CHST15: variants seen among roughly 807,000 people sequenced by gnomAD.
The protein encoded by CHST15 is carbohydrate sulfotransferase 15.
CHST15 carries 30 observed loss-of-function variants against 53.6 expected under a neutral mutation model. The observed-to-expected ratio is 0.56, with a 90% CI of 0.42 to 0.76. The LOEUF (loss-of-function observed/expected upper bound fraction) is 0.76, where lower values mean the gene tolerates loss of function less well. Among genes scored for constraint, CHST15 ranks in the 30% least tolerant of loss-of-function variants. The pLI is 0.00. For synonymous variants in CHST15, 296 were observed against 289.8 expected, an observed-to-expected ratio of 1.02 and a Z score of -0.22; for missense variants, 627 against 740.5, an observed-to-expected ratio of 0.85 and a Z score of 1.78.
At chr10:124,044,483 T>G in intron 3 of CHST15, 97 bp downstream of exon 3, 2 of 1,019,722 alleles carry the variant, frequency 2.0e-6, no homozygotes, top group Non-Finnish European at 2.7e-6. Context: ...CATCTCTTTC[T>G]GCCGCCCTCG....
At chr10:124,064,975 G>A (rs1410640864) in intron 1 of CHST15, among the ~76,000 whole-genome samples, 1 of 152,090 alleles carries the variant, frequency 6.6e-6, no homozygotes, top group Non-Finnish European at 1.5e-5. Flanking sequence ...TCTTTTGTTC[G>A]CTTTTACAAA....
In CHST15 at chr10:124,019,607, A is replaced by T; in HGVS notation, c.1347+1649T>A. ...TCTCCGGGTCTCCGTTTCCTTATGAAGGCTCCCTCCCGGGTTACATGAAAT... is the reference window on the plus strand; with the variant it reads ...TCTCCGGGTCTCCGTTTCCTTATGATGGCTCCCTCCCGGGTTACATGAAAT... On this transcript the variant is annotated intron_variant, in intron 6 of 7. Coordinates refer to ENST00000435907, the MANE Select transcript of CHST15 (RefSeq NM_001270764.2). The surrounding 1 kb of genome is among the most constrained non-coding windows in gnomAD (Gnocchi z 4.6). 3.7e-6 allele frequency: 1 copy of T among 267,318 alleles called. No homozygotes were observed. The allele number at this position is 267,318 out of a possible 1,614,324, so 16.6% of individuals were successfully genotyped here. A position where few individuals can be genotyped will look rare whatever the true frequency, so the allele number is the denominator to read the frequency against.
intron 1 of CHST15, among the ~76,000 whole-genome samples, chr10:124,066,737 G>A (rs758318665): frequency 5.3e-5 from 8 of 152,184 alleles, no homozygotes; most frequent in Non-Finnish European, 8.8e-5. Flanking sequence ...TTCATCTTAG[G>A]ATGGGGGCAC....
chr10:124,013,550 ATAGTG>A (rs1946485837), intron 6 of CHST15, among the ~76,000 whole-genome samples: 1 of 152,210 alleles, frequency 6.6e-6, no homozygotes, highest in Non-Finnish European at 1.5e-5. Context: ...ATCATAACCA[ATAGTG>A]TAATAGCCTC....
intron 6 of CHST15, among the ~76,000 whole-genome samples, chr10:124,015,210 C>A (rs1946549929): frequency 1.3e-5 from 2 of 152,164 alleles, no homozygotes; most frequent in African/African-American, 4.8e-5. Flanking sequence ...CAGCCCCCAG[C>A]AGATTTTTTT....
intron 1 of CHST15, among the ~76,000 whole-genome samples, chr10:124,057,375 G>A (rs1948418971): frequency 6.6e-6 from 1 of 152,152 alleles, no homozygotes; most frequent in Admixed American, 6.5e-5. Context: ...AGAGACACAG[G>A]GTTTTCTCCA....
At chr10:124,039,307 G>A (rs1312162225) in intron 4 of CHST15, among the ~76,000 whole-genome samples, 3 of 152,172 alleles carry the variant, frequency 2.0e-5, no homozygotes, top group African/African-American at 7.2e-5. Flanking sequence ...TTCAGAGCCG[G>A]GAGGAGCCGA....
intron 1 of CHST15, among the ~76,000 whole-genome samples, chr10:124,049,333 A>G (rs1419099496): frequency 6.6e-6 from 1 of 152,208 alleles, no homozygotes; most frequent in Non-Finnish European, 1.5e-5. Flanking sequence ...ACCTTTCGTC[A>G]TTCATGACAA....
At chr10:124,032,042 C>T (rs1008744498) in intron 5 of CHST15, among the ~76,000 whole-genome samples, 1 of 152,216 alleles carries the variant, frequency 6.6e-6, no homozygotes, top group Non-Finnish European at 1.5e-5. Context: ...CCCTGCTATT[C>T]CTCTGTGTCC....
rs1948003116 is a variant in CHST15, at chr10:124,046,261, C to G, written c.-49G>C. On this transcript the variant is annotated 5_prime_UTR_variant, in exon 2 of 8. Coordinates refer to ENST00000435907, the MANE Select transcript of CHST15 (RefSeq NM_001270764.2). ...CTGGCTTACCGAGCCATGGGTGGGC[C>G]CCCCACGAGTCTGGATGTCCGCAAG... The G allele has an allele frequency of 6.6e-7, 1 of 1,519,366 alleles. No homozygotes were observed. Among genetic ancestry groups the G allele is most frequent in the South Asian group, 1.3e-5 (1 of 76,784 alleles). The allele number at this position is 1,519,366 out of a possible 1,614,324, so 94.1% of individuals were successfully genotyped here. A position where few individuals can be genotyped will look rare whatever the true frequency, so the allele number is the denominator to read the frequency against.
rs1564881998 is a variant in CHST15, at chr10:124,045,122, A to AAAAC, written c.547-204_547-203insGTTT. ...TCCCCCGCCGCCCCACAAAAAAAAA[A>AAAAC]AAAAAAAAAAAAAAAAAAAAAACTT... On this transcript the variant is annotated intron_variant, in intron 2 of 7. Coordinates refer to ENST00000435907, the MANE Select transcript of CHST15 (RefSeq NM_001270764.2). Among the ~76,000 whole-genome samples the AAAAC allele has an allele frequency of 5.6e-4, 41 of 72,970 alleles. 4 individuals carry two copies. Among genetic ancestry groups the AAAAC allele is most frequent in the East Asian group, 4.9e-3 (17 of 3,460 alleles). 47.9% of individuals were successfully genotyped at this position (72,970 alleles called of 152,430 possible).
At position 124,046,114 on chromosome 10, in the gene CHST15, C is replaced by A; in HGVS notation, c.99G>T (p.Ala33=). 1 of 1,614,210 alleles carries A rather than the reference C, an allele frequency of 6.2e-7. No individual in the cohort carries two copies. Among genetic ancestry groups the A allele is most frequent in the Non-Finnish European group, 8.5e-7 (1 of 1,180,038 alleles). ...CQGGPHHGHQ[A]CPTCKGENKI... ...TGTTTTCTCCTTTGCACGTGGGGCA[C>A]GCCTGGTGACCGTGATGGGGGCCCC... is the stretch of plus-strand genomic sequence containing the variant. Residue 33 remains alanine (A), a synonymous_variant, in exon 2 of 8, where the codon GCG becomes GCT. Coordinates refer to ENST00000435907, the MANE Select transcript of CHST15 (RefSeq NM_001270764.2).
intron 6 of CHST15, chr10:124,020,871 G>A (rs1946753403): frequency 7.9e-7 from 1 of 1,261,752 alleles, no homozygotes; most frequent in African/African-American, 1.5e-5. Flanking sequence ...TTGATGGGTA[G>A]TTTTTTAAAC....
chr10:124,081,393 C>T (rs531521116), intron 1 of CHST15, among the ~76,000 whole-genome samples: 1 of 133,504 alleles, frequency 7.5e-6, no homozygotes, highest in Non-Finnish European at 1.6e-5. Context: ...CACACACACG[C>T]GTGCACACAC....
Position 124,052,969 on chromosome 10 carries a change from G to A in CHST15, c.-512-6245C>T, listed in dbSNP as rs563377705. ...AATCATTTGAATCCAGGAGGCAGAG[G>A]TTGCAGTGAGCCAAGATGGCACCAC... On this transcript the variant is annotated intron_variant, in intron 1 of 7. Coordinates refer to ENST00000435907, the MANE Select transcript of CHST15 (RefSeq NM_001270764.2). 5.3e-5 allele frequency among the ~76,000 whole-genome samples: 8 copies of A among 152,156 alleles called. No homozygotes were observed. The South Asian group carries it at 1.7e-3, about 32-fold the overall frequency.
chr10:124,091,991 C>T (rs762274574), intron 1 of CHST15, among the ~76,000 whole-genome samples: 1 of 152,206 alleles, frequency 6.6e-6, no homozygotes, highest in African/African-American at 2.4e-5. Context: ...ACCCGGGCGG[C>T]TCCGAAGCCT....
chr10:124,075,716 AC>A (rs1428128450), intron 1 of CHST15, among the ~76,000 whole-genome samples: 2 of 151,732 alleles, frequency 1.3e-5, no homozygotes, highest in Non-Finnish European at 1.5e-5. Flanking sequence ...CTTGGTTAGA[AC>A]CTCCCCTGTC....
At chr10:124,040,246 G>A (rs970405075) in intron 4 of CHST15, among the ~76,000 whole-genome samples, 2 of 152,084 alleles carry the variant, frequency 1.3e-5, no homozygotes, top group African/African-American at 4.8e-5. Context: ...TCCATCCTTC[G>A]TCCATCCAGG....
intron 1 of CHST15, among the ~76,000 whole-genome samples, chr10:124,073,731 G>A (rs960664259): frequency 2.0e-5 from 3 of 152,228 alleles, no homozygotes; most frequent in Non-Finnish European, 4.4e-5. Context: ...GAAGGCGAAT[G>A]TTCTCCCATC....
Sources: gnomAD v4.1 joint callset for allele counts (sites outside exome capture counted in the v4.1 genomes callset) on GRCh38, gnomAD v4.1.1 for gene constraint, Gnocchi (gnomAD v3.1) non-coding constraint, MANE v1.5 for transcripts, NCBI Gene and HGNC (gene_info 2026-07-23, HGNC 2026-07-21) for gene names.